Variants in NAALADL2 observed in about 807,000 individuals in gnomAD.
NAALADL2 encodes N-acetylated alpha-linked acidic dipeptidase like 2.
Under a neutral mutation model 87.2 loss-of-function variants are expected in NAALADL2, and 76 were observed. That is an observed-to-expected ratio of 0.87 (90% CI 0.72 to 1.05). The LOEUF (loss-of-function observed/expected upper bound fraction) is 1.05, where lower values mean the gene tolerates loss of function less well. Ranked by LOEUF, NAALADL2 falls within the 50% of genes least tolerant of loss-of-function variation. The pLI, the probability that NAALADL2 is intolerant of heterozygous loss-of-function variation, is 0.00. For missense variants in NAALADL2, 1,089 were observed against 945.8 expected, an observed-to-expected ratio of 1.15 and a Z score of -1.99; for synonymous variants, 354 against 331.0, an observed-to-expected ratio of 1.07 and a Z score of -0.75.
chr3:174,870,572 T>C (rs1727703722), intron 1 of NAALADL2, among the ~76,000 whole-genome samples: 1 of 148,880 alleles, frequency 6.7e-6, no homozygotes, highest in Non-Finnish European at 1.5e-5. Flanking sequence ...TTGTTATTAT[T>C]ATCAATAATA....
chr3:175,703,734 C>T (rs1739298096), intron 11 of NAALADL2, among the ~76,000 whole-genome samples: 1 of 152,118 alleles, frequency 6.6e-6, no homozygotes, highest in Non-Finnish European at 1.5e-5. Context: ...CAGAGCGAGA[C>T]TCCATCTCAA....
intron 2 of NAALADL2, among the ~76,000 whole-genome samples, chr3:175,151,415 C>T (rs780725690): frequency 2.7e-4 from 41 of 152,204 alleles, no homozygotes; most frequent in Non-Finnish European, 5.4e-4. Context: ...GGCTGATATA[C>T]TGGTTTGCTT....
intron 3 of NAALADL2, among the ~76,000 whole-genome samples, chr3:174,836,789 T>G (rs1450729345): frequency 1.3e-5 from 2 of 151,624 alleles, no homozygotes; most frequent in African/African-American, 4.8e-5. Flanking sequence ...AAAAATTATT[T>G]AAAGGGCAAA....
intron 9 of NAALADL2, among the ~76,000 whole-genome samples, chr3:175,484,727 G>T (rs140353215): frequency 1.3e-5 from 2 of 152,084 alleles, no homozygotes; most frequent in African/African-American, 4.8e-5. Flanking sequence ...TGTAGTTAAC[G>T]ACTGCATTAT....
chr3:175,048,868 T>C (rs1025985405), intron 1 of NAALADL2, among the ~76,000 whole-genome samples: 1 of 152,134 alleles, frequency 6.6e-6, no homozygotes, highest in African/African-American at 2.4e-5. Flanking sequence ...CACAGAACCA[T>C]ATGGTGGCCT....
chr3:175,636,696 TAAA>T (rs529189291), intron 11 of NAALADL2, among the ~76,000 whole-genome samples: 1 of 82,394 alleles, frequency 1.2e-5, no homozygotes. Context: ...AGACTCCATC[TAAA>T]AAAAAAAAAA....
At chr3:174,717,068 G>T (rs1004693917) in intron 2 of NAALADL2, among the ~76,000 whole-genome samples, 1 of 152,090 alleles carries the variant, frequency 6.6e-6, no homozygotes, top group African/African-American at 2.4e-5. Flanking sequence ...TATGAGAGTT[G>T]AAAATGACTT....
intron 1 of NAALADL2, among the ~76,000 whole-genome samples, chr3:175,069,540 AG>A (rs1292922375): frequency 6.7e-6 from 1 of 150,278 alleles, no homozygotes; most frequent in African/African-American, 2.5e-5. Context: ...GTGGAGAAAT[AG>A]GAACACTTTT....
intron 3 of NAALADL2, among the ~76,000 whole-genome samples, chr3:174,813,431 A>C (rs1720441938): frequency 6.6e-6 from 1 of 152,142 alleles, no homozygotes; most frequent in East Asian, 1.9e-4. Flanking sequence ...AATACTTGTC[A>C]TTGTGTTACA....
intron 2 of NAALADL2, among the ~76,000 whole-genome samples, chr3:174,575,148 A>G (rs1715383591): frequency 6.6e-6 from 1 of 152,128 alleles, no homozygotes; most frequent in Admixed American, 6.6e-5. Context: ...AATTTAAATA[A>G]TTTGGTATTA....
intron 3 of NAALADL2, among the ~76,000 whole-genome samples, chr3:174,845,557 C>G (rs1724526978): frequency 6.6e-6 from 1 of 152,206 alleles, no homozygotes; most frequent in African/African-American, 2.4e-5. Flanking sequence ...ACTTTACAAT[C>G]TCTCCAGTGG....
chr3:175,014,242 G>A (rs1363568500), intron 1 of NAALADL2, among the ~76,000 whole-genome samples: 3 of 152,008 alleles, frequency 2.0e-5, no homozygotes, highest in Non-Finnish European at 4.4e-5. Flanking sequence ...TTCTGCCAGT[G>A]ATGCGTTCTG....
intron 1 of NAALADL2, among the ~76,000 whole-genome samples, chr3:175,012,971 A>G (rs1313821870): frequency 7.2e-6 from 1 of 139,672 alleles, no homozygotes; most frequent in Non-Finnish European, 1.5e-5. Flanking sequence ...GTGTGTGTAT[A>G]TATATATACA....
chr3:175,451,075 T>C (rs566266685), intron 6 of NAALADL2, among the ~76,000 whole-genome samples: 1 of 152,192 alleles, frequency 6.6e-6, no homozygotes, highest in South Asian at 2.1e-4. Flanking sequence ...GAAACCCTTA[T>C]TTATATGATT....
chr3:175,627,821 T>A (rs1438179275), intron 11 of NAALADL2, among the ~76,000 whole-genome samples: 1 of 151,772 alleles, frequency 6.6e-6, no homozygotes, highest in African/African-American at 2.4e-5. Context: ...GCCATGTATC[T>A]GAAAGTAGAG....
intron 1 of NAALADL2, among the ~76,000 whole-genome samples, chr3:175,042,285 T>C (rs1754164877): frequency 6.6e-6 from 1 of 152,178 alleles, no homozygotes; most frequent in African/African-American, 2.4e-5. Context: ...TTACTATATA[T>C]ATAGCCTGTT....
chr3:175,371,625 G>A (rs1393650355), intron 5 of NAALADL2, among the ~76,000 whole-genome samples: 1 of 151,956 alleles, frequency 6.6e-6, no homozygotes, highest in Non-Finnish European at 1.5e-5. Flanking sequence ...AGGAGATCAA[G>A]AGTAGCCTGG....
intron 1 of NAALADL2, among the ~76,000 whole-genome samples, chr3:175,042,565 G>T (rs544305974): frequency 6.6e-6 from 1 of 152,146 alleles, no homozygotes; most frequent in East Asian, 1.9e-4. Flanking sequence ...ATGAATAAGG[G>T]TTCCCTTTCC....
chr3:175,144,274 A>T (rs1461406207), intron 2 of NAALADL2, among the ~76,000 whole-genome samples: 2 of 151,968 alleles, frequency 1.3e-5, no homozygotes, highest in African/African-American at 2.4e-5. Context: ...ATGGAGAAAT[A>T]CAAAAAGCCA....
Sources: allele counts gnomAD v4.1 joint callset (sites outside exome capture counted in the v4.1 genomes callset), GRCh38; gene constraint gnomAD v4.1.1; transcripts MANE v1.5; gene names NCBI Gene and HGNC (gene_info 2026-07-23, HGNC 2026-07-21).